The following CSNK2A2IP variants were observed in gnomAD, a reference collection of about 807,000 sequenced individuals.
The protein encoded by CSNK2A2IP is casein kinase 2 subunit alpha' interacting protein, also known as casein kinase II subunit alpha'-interacting protein.
chr3:88,381,228 G>T, the CSNK2A2IP span, among the ~76,000 whole-genome samples: 2 of 152,154 alleles, frequency 1.3e-5, no homozygotes, highest in Non-Finnish European at 2.9e-5. Flanking sequence ...TGTGTTCCTT[G>T]AGAGAAAAAT....
chr3:88,418,746 A>G, the CSNK2A2IP span, among the ~76,000 whole-genome samples: 45 of 152,162 alleles, frequency 3.0e-4, no homozygotes, highest in African/African-American at 1.0e-3. Context: ...AGATTATTTC[A>G]TCATCCAGTT....
chr3:88,380,015 TAAAAC>T, the CSNK2A2IP span, among the ~76,000 whole-genome samples: 1 of 152,138 alleles, frequency 6.6e-6, no homozygotes, highest in African/African-American at 2.4e-5. Flanking sequence ...TTTCAATCTG[TAAAAC>T]ATTTAAGTAA....
the CSNK2A2IP span, among the ~76,000 whole-genome samples, chr3:88,443,953 C>T: frequency 6.6e-6 from 1 of 151,528 alleles, no homozygotes; most frequent in African/African-American, 2.4e-5. Context: ...ATACAAAGAT[C>T]TAAGTAGATT....
chr3:88,428,578 C>T, the CSNK2A2IP span, among the ~76,000 whole-genome samples: 165 of 152,182 alleles, frequency 1.1e-3, 1 homozygote, highest in Non-Finnish European at 1.7e-3. Flanking sequence ...GGCATTTGCC[C>T]TCATGCTGTT....
the CSNK2A2IP span, among the ~76,000 whole-genome samples, chr3:88,423,198 A>C: frequency 6.6e-6 from 1 of 152,176 alleles, no homozygotes; most frequent in Admixed American, 6.6e-5. Context: ...TAGATTGATG[A>C]ACATCTTCAT....
the CSNK2A2IP span, among the ~76,000 whole-genome samples, chr3:88,393,307 A>G: frequency 1.3e-5 from 2 of 152,210 alleles, no homozygotes; most frequent in Non-Finnish European, 1.5e-5. Flanking sequence ...TAATAGTTAG[A>G]TATTTCTCAA....
chr3:88,352,235 A>G, the CSNK2A2IP span, among the ~76,000 whole-genome samples: 1 of 152,106 alleles, frequency 6.6e-6, no homozygotes, highest in Non-Finnish European at 1.5e-5. Context: ...CTATCTATCT[A>G]TCTATCTGAA....
the CSNK2A2IP span, among the ~76,000 whole-genome samples, chr3:88,428,543 C>T: frequency 3.3e-5 from 5 of 152,098 alleles, no homozygotes; most frequent in Non-Finnish European, 7.3e-5. Context: ...GGGAGGGACT[C>T]AGTTGGAGGT....
the CSNK2A2IP span, among the ~76,000 whole-genome samples, chr3:88,422,621 TAA>T: frequency 6.6e-6 from 1 of 152,190 alleles, no homozygotes; most frequent in African/African-American, 2.4e-5. Context: ...ACTAAGCTTT[TAA>T]AAGCCTTTCT....
At chr3:88,403,325 T>C in the CSNK2A2IP span, among the ~76,000 whole-genome samples, 3 of 152,148 alleles carry the variant, frequency 2.0e-5, no homozygotes, top group Non-Finnish European at 4.4e-5. Context: ...ATACAAATTC[T>C]AGAAAAGTAA....
the CSNK2A2IP span, among the ~76,000 whole-genome samples, chr3:88,348,619 G>A: frequency 6.6e-6 from 1 of 152,040 alleles, no homozygotes; most frequent in Non-Finnish European, 1.5e-5. Flanking sequence ...TCAGCTCTCT[G>A]TATTGGAAAA....
At chr3:88,443,101 C>G in the CSNK2A2IP span, among the ~76,000 whole-genome samples, 1 of 152,088 alleles carries the variant, frequency 6.6e-6, no homozygotes, top group Non-Finnish European at 1.5e-5. Context: ...GAAAATAACA[C>G]AGATGTATGA....
chr3:88,420,928 G>C, the CSNK2A2IP span, among the ~76,000 whole-genome samples: 1 of 152,056 alleles, frequency 6.6e-6, no homozygotes, highest in Non-Finnish European at 1.5e-5. Context: ...GATATAGATT[G>C]AAATATTTAA....
chr3:88,361,133 G>A, the CSNK2A2IP span, among the ~76,000 whole-genome samples: 1 of 152,098 alleles, frequency 6.6e-6, no homozygotes, highest in Non-Finnish European at 1.5e-5. Context: ...AAATTTATGA[G>A]TTGTTTAGAC....
the CSNK2A2IP span, among the ~76,000 whole-genome samples, chr3:88,395,966 T>C: frequency 6.6e-6 from 1 of 152,324 alleles, no homozygotes; most frequent in African/African-American, 2.4e-5. Flanking sequence ...CTGTATGTAG[T>C]TGCTTGTTTT....
At chr3:88,466,038 C>T in the CSNK2A2IP span, 8 of 1,231,688 alleles carry the variant, frequency 6.5e-6, no homozygotes, top group South Asian at 3.3e-4. Context: ...CCTCATTGGA[C>T]TACCTTTGGA....
At chr3:88,338,975 T>C in the CSNK2A2IP span, among the ~76,000 whole-genome samples, 4 of 152,134 alleles carry the variant, frequency 2.6e-5, no homozygotes, top group African/African-American at 9.7e-5. Context: ...ACATGTGATG[T>C]TTAGATGCAG....
chr3:88,342,803 A>G, the CSNK2A2IP span, among the ~76,000 whole-genome samples: 1 of 151,836 alleles, frequency 6.6e-6, no homozygotes, highest in South Asian at 2.1e-4. Context: ...GTAGGTTGAT[A>G]ATTTTGGTGT....
the CSNK2A2IP span, among the ~76,000 whole-genome samples, chr3:88,437,249 GCTAT>G: frequency 1.3e-5 from 2 of 152,138 alleles, no homozygotes; most frequent in Non-Finnish European, 2.9e-5. Context: ...TCTGCAGCCA[GCTAT>G]CTGTTTACCT....
Sources: gnomAD v4.1 joint callset for allele counts (sites outside exome capture counted in the v4.1 genomes callset) on GRCh38, gnomAD v4.1.1 for gene constraint, MANE v1.5 for transcripts, NCBI Gene and HGNC (gene_info 2026-07-23, HGNC 2026-07-21) for gene names.